TMEM63A: variants seen among roughly 807,000 people sequenced by gnomAD.
The protein encoded by TMEM63A is transmembrane protein 63A.
TMEM63A carries 76 observed loss-of-function variants against 100.6 expected under a neutral mutation model. The observed-to-expected ratio is 0.76, with a 90% CI of 0.63 to 0.91. The LOEUF is 0.91. Ranked by LOEUF, TMEM63A falls within the 40% of genes least tolerant of loss-of-function variation. TMEM63A has a pLI of 0.00. For missense variants in TMEM63A, 876 were observed against 1,008.8 expected (o/e 0.87, Z 1.78); for synonymous variants, 401 against 401.1 (o/e 1.00, Z 0.00).
At chr1:225,870,228 T>C (rs1170932969) in intron 6 of TMEM63A, among the ~76,000 whole-genome samples, 2 of 151,948 alleles carry the variant, frequency 1.3e-5, no homozygotes, top group African/African-American at 2.4e-5. Flanking sequence ...GGCGCATGCC[T>C]GTAATCTCAG....
rs1670158961 is a variant in TMEM63A, at chr1:225,865,543, C to T, written c.746+354G>A. The T allele has an allele frequency of 4.6e-6, 1 of 217,012 alleles. No individual in the cohort carries two copies. The highest frequency in any genetic ancestry group is 8.2e-5 in the South Asian group (1 of 12,150). 13.4% of individuals were successfully genotyped at this position (217,012 alleles called of 1,614,324 possible). ...TGGGTCCATACAAATGCTCAGCTCA[C>T]GTCTCTCTTATTCTGCAAAGGTGAT... On this transcript the variant is annotated intron_variant, in intron 10 of 24. Coordinates refer to ENST00000366835, the MANE Select transcript of TMEM63A (RefSeq NM_014698.3). This position sits in a 1 kb window ranked among gnomAD's most constrained non-coding sequence, Gnocchi z 4.6.
At chr1:225,845,228 T>C (rs1321764952), downstream of TMEM63A, 1 of 1,614,112 alleles carries the variant, frequency 6.2e-7, no homozygotes, top group Admixed American at 1.7e-5. Context: ...GAGGTTCAAG[T>C]ACCCAAAGCT....
Position 225,857,022 on chromosome 1 carries a change from G to A in TMEM63A, c.1378-5C>T. ...GAACTGGCTGATGATCGGGTTCTAG[G>A]AGAAAGGTCCACAGCAGAGAGAGTC... is the stretch of plus-strand genomic sequence containing the variant. On this transcript the variant is annotated splice_region_variant and splice_polypyrimidine_tract_variant and intron_variant, in intron 15 of 24. Coordinates refer to ENST00000366835, the MANE Select transcript of TMEM63A (RefSeq NM_014698.3). 6.3e-7 allele frequency: 1 copy of A among 1,577,748 alleles called. No individual in the cohort carries two copies. Among genetic ancestry groups the A allele is most frequent in the Non-Finnish European group, 8.6e-7 (1 of 1,167,938 alleles).
In TMEM63A at chr1:225,850,097, G is replaced by A. The variant is rs774038017; in HGVS notation, c.1904-18C>T. 1 of 1,613,120 alleles carries A rather than the reference G, an allele frequency of 6.2e-7. No homozygotes were observed. The highest frequency in any genetic ancestry group is 8.5e-7 in the Non-Finnish European group (1 of 1,179,308). ...GATGAGGCCTGCAGGGGATGGGGCT[G>A]TGAGCTGGAGACCTCGCAGGGCCAC... On this transcript the variant is annotated intron_variant, in intron 20 of 24. Transcript: ENST00000366835.
intron 15 of TMEM63A, among the ~76,000 whole-genome samples, chr1:225,857,376 C>CGGGGGGGG (rs1213111924): frequency 3.1e-4 from 1 of 3,270 alleles, no homozygotes. Flanking sequence ...GAGTCCTGGC[C>CGGGGGGGG]GGCGGGGCGG....
At chr1:225,843,788 C>T (rs1216989478), downstream of TMEM63A, among the ~76,000 whole-genome samples, 1 of 152,230 alleles carries the variant, frequency 6.6e-6, no homozygotes, top group African/African-American at 2.4e-5. Flanking sequence ...AAGCACTTGG[C>T]CAACTTGCAG....
intron 20 of TMEM63A, among the ~76,000 whole-genome samples, chr1:225,851,253 TCA>T (rs1388388421): frequency 3.3e-5 from 5 of 152,180 alleles, no homozygotes; most frequent in African/African-American, 1.2e-4. Flanking sequence ...CCTGCCCTCA[TCA>T]CAGTCAACAG....
intron 17 of TMEM63A, 23 bp downstream of exon 17, chr1:225,856,629 G>A: frequency 6.2e-7 from 1 of 1,611,514 alleles, no homozygotes. Flanking sequence ...TCTGAATTTA[G>A]AGCAGAAGGT....
rs12088057 is a variant in TMEM63A at position 225,853,309 on chromosome 1, C to T, written c.1797+320G>A. 0.037 allele frequency among the ~76,000 whole-genome samples: 5,625 copies of T among 152,266 alleles called. 322 individuals carry two copies. Among genetic ancestry groups the T allele is most frequent in the African/African-American group, 0.13 (5,325 of 41,522 alleles). ...AATGCCTTTGACATCTGGGGTTTGG[C>T]TAAGAATTTATGCAAATGGGTGCCT... On this transcript the variant is annotated intron_variant, in intron 19 of 24. Coordinates refer to ENST00000366835, the MANE Select transcript of TMEM63A (RefSeq NM_014698.3). This position sits in a 1 kb window ranked among gnomAD's most constrained non-coding sequence, Gnocchi z 4.0.
chr1:225,873,071 C>T (rs1172365890), intron 4 of TMEM63A, among the ~76,000 whole-genome samples: 2 of 152,164 alleles, frequency 1.3e-5, no homozygotes, highest in African/African-American at 4.8e-5. Context: ...CGAAACTTAA[C>T]TTTAAAAGCC....
At position 225,859,363 on chromosome 1, in the gene TMEM63A, G is replaced by A; in HGVS notation, c.1224-14C>T. ...GAGAGGTTCTTCCTGCAGCGGGAGAGGGGATACAGGTCTCGAGGCTTGTCT... is the reference window on the plus strand; with the variant it reads ...GAGAGGTTCTTCCTGCAGCGGGAGAAGGGATACAGGTCTCGAGGCTTGTCT... On this transcript the variant is annotated splice_polypyrimidine_tract_variant and intron_variant, in intron 14 of 24. Transcript: ENST00000366835. The A allele has an allele frequency of 3.7e-6, 6 of 1,613,188 alleles. No individual in the cohort carries two copies. In the South Asian group the frequency reaches 6.6e-5, roughly 18 times the overall value.
In TMEM63A at chr1:225,848,752, C is replaced by T. The variant is rs573244395; in HGVS notation, c.2187+145G>A. 6 of 824,850 alleles carry T rather than the reference C, an allele frequency of 7.3e-6. No individual in the cohort carries two copies. The East Asian group carries it at 1.6e-4, about 22-fold the overall frequency. The allele number at this position is 824,850 out of a possible 1,614,324, so 51.1% of individuals were successfully genotyped here. Reference sequence around the variant, plus strand: ...GAAGCTACACATGGCACCCAACCACCCACGCCTTTCCCATGGAGAAGCAGA... The same window carrying T: ...GAAGCTACACATGGCACCCAACCACTCACGCCTTTCCCATGGAGAAGCAGA... On this transcript the variant is annotated intron_variant, in intron 22 of 24. Transcript: ENST00000366835.
intron 13 of TMEM63A, 129 bp from the exon 14 acceptor site, chr1:225,861,126 T>C (rs1669913933): frequency 1.8e-6 from 2 of 1,093,666 alleles, no homozygotes; most frequent in Admixed American, 2.6e-5. Flanking sequence ...ATTAGTGTAT[T>C]ATGAGTAACG....
intron 15 of TMEM63A, 131 bp downstream of exon 15, chr1:225,859,065 T>G: frequency 2.0e-5 from 27 of 1,326,944 alleles, no homozygotes; most frequent in Non-Finnish European, 2.5e-5. Context: ...AGCAAGGATG[T>G]GAGCTGAGCA....
At chr1:225,843,618 C>T (rs1668627184), downstream of TMEM63A, among the ~76,000 whole-genome samples, 1 of 152,174 alleles carries the variant, frequency 6.6e-6, no homozygotes, top group Admixed American at 6.5e-5. Context: ...CCCACTAGGC[C>T]ACTCCTGCAG....
At position 225,866,684 on chromosome 1, in the gene TMEM63A, T is replaced by C; in HGVS notation, c.567-2A>G. On this transcript the variant is annotated splice_acceptor_variant, in intron 8 of 24. Transcript: ENST00000366835. LOFTEE classifies it high-confidence loss of function. ...GTGTGCAGCCAAAGGAGGTCATTGC[T>C]GAGAGGGAAACCACCTGCCATCAGG... 6.2e-7 allele frequency: 1 copy of C among 1,613,904 alleles called. No homozygotes were observed.
At chr1:225,858,330 T>G (rs1398303616) in intron 15 of TMEM63A, among the ~76,000 whole-genome samples, 18 of 149,190 alleles carry the variant, frequency 1.2e-4, no homozygotes, top group East Asian at 7.8e-4. Flanking sequence ...TTTTTTTTTT[T>G]TTTTTTTTTT....
chr1:225,847,070 G>T lies in TMEM63A; in HGVS notation c.2394C>A (p.Gly798=). ...PGQCLAQSAT[G]SVAAAPQEA ...CCTCCTGGGGGGCAGCAGCCACACT[G>T]CCCGTGGCGCTCTGCGCCAAGCACT... The change falls in exon 24 of 25, where the codon GGC becomes GGA. Residue 798 remains glycine, a synonymous_variant. Coordinates refer to ENST00000366835, the MANE Select transcript of TMEM63A (RefSeq NM_014698.3). 6.2e-7 allele frequency: 1 copy of T among 1,613,202 alleles called. No individual in the cohort carries two copies. Among genetic ancestry groups the T allele is most frequent in the Non-Finnish European group, 8.5e-7 (1 of 1,179,748 alleles).
chr1:225,855,272 C>T (rs1213572116), intron 18 of TMEM63A, among the ~76,000 whole-genome samples: 4 of 152,168 alleles, frequency 2.6e-5, no homozygotes, highest in Admixed American at 1.3e-4. Context: ...AGTTATTCAA[C>T]GTCTCCAAAC....
Sources: gnomAD v4.1 joint callset for allele counts (sites outside exome capture counted in the v4.1 genomes callset) on GRCh38, gnomAD v4.1.1 for gene constraint, Gnocchi (gnomAD v3.1) non-coding constraint, MANE v1.5 for transcripts, NCBI Gene and HGNC (gene_info 2026-07-23, HGNC 2026-07-21) for gene names.